Variants in ATP13A4 observed in about 807,000 individuals in gnomAD.
The protein encoded by ATP13A4 is probable cation-transporting ATPase 13A4.
Under a neutral mutation model 142.5 loss-of-function variants are expected in ATP13A4, and 114 were observed. The ratio of observed to expected loss-of-function variants is 0.80; its 90% CI spans 0.69 to 0.93. The LOEUF is 0.93. Among genes scored for constraint, ATP13A4 ranks in the 40% least tolerant of loss-of-function variants. The pLI is 0.00. For synonymous variants in ATP13A4, 488 were observed against 514.8 expected (o/e 0.95, Z 0.70); for missense variants, 1,392 against 1,454.0 (o/e 0.96, Z 0.69).
At chr3:193,510,375 A>G (rs1721080029) in intron 2 of ATP13A4, among the ~76,000 whole-genome samples, 1 of 152,206 alleles carries the variant, frequency 6.6e-6, no homozygotes, top group Admixed American at 6.5e-5. Flanking sequence ...ATCATCACAA[A>G]GTTCTCCTCT....
At chr3:193,533,634 G>A (rs916586349) in intron 1 of ATP13A4, among the ~76,000 whole-genome samples, 24 of 152,014 alleles carry the variant, frequency 1.6e-4, no homozygotes, top group South Asian at 2.1e-4. Context: ...GAAAAGGGGC[G>A]GCCGAGTAAG....
chr3:193,459,463 A>G (rs929004914), intron 13 of ATP13A4, among the ~76,000 whole-genome samples: 1 of 152,126 alleles, frequency 6.6e-6, no homozygotes, highest in African/African-American at 2.4e-5. Context: ...GTCTCACTCT[A>G]TCACTCTGTC....
chr3:193,463,555 T>C (rs1386336970), intron 12 of ATP13A4, among the ~76,000 whole-genome samples: 1 of 152,090 alleles, frequency 6.6e-6, no homozygotes, highest in Non-Finnish European at 1.5e-5. Context: ...ATAAGAGCTC[T>C]TATCTGTAAC....
rs774272332 is a variant in ATP13A4 at position 193,440,647 on chromosome 3, A to T, written c.2440-10T>A. The T allele has an allele frequency of 1.9e-6, 3 of 1,613,516 alleles. No homozygotes were observed. The South Asian group carries it at 3.3e-5, about 18-fold the overall frequency. ...TCCCATTGATCAATATCTGTAAGGAACCCAAAATGGAGATTTTTTTATCAA... is the reference window on the plus strand; with the variant it reads ...TCCCATTGATCAATATCTGTAAGGATCCCAAAATGGAGATTTTTTTATCAA... On this transcript the variant is annotated splice_polypyrimidine_tract_variant and intron_variant, in intron 20 of 29. Coordinates refer to ENST00000342695, the MANE Select transcript of ATP13A4 (RefSeq NM_032279.4).
intron 10 of ATP13A4, 100 bp from the exon 11 acceptor site, chr3:193,466,282 G>A (rs1024612604): frequency 4.8e-5 from 68 of 1,421,996 alleles, no homozygotes; most frequent in Non-Finnish European, 6.4e-5. Flanking sequence ...GCTGATATTT[G>A]AACAGTGTTT....
At chr3:193,417,123 G>T (rs1364666285) in intron 25 of ATP13A4, 1 of 152,128 alleles carries the variant, frequency 6.6e-6, no homozygotes, top group Non-Finnish European at 1.5e-5. Context: ...TGTATACCTG[G>T]CAAAACTGTC....
At chr3:193,592,199 A>T (rs1214527618) in intron 1 of ATP13A4, among the ~76,000 whole-genome samples, 1 of 151,704 alleles carries the variant, frequency 6.6e-6, no homozygotes, top group Admixed American at 6.6e-5. Flanking sequence ...GATGCACAGG[A>T]CCCTTTTATT....
chr3:193,539,613 G>A (rs1722774539), intron 1 of ATP13A4, among the ~76,000 whole-genome samples: 1 of 152,210 alleles, frequency 6.6e-6, no homozygotes, highest in South Asian at 2.1e-4. Context: ...AACCAGATTT[G>A]TCAGCTTCTT....
At chr3:193,494,966 TA>T (rs1472463682) in intron 3 of ATP13A4, among the ~76,000 whole-genome samples, 4 of 152,002 alleles carry the variant, frequency 2.6e-5, no homozygotes, top group Admixed American at 2.0e-4. Flanking sequence ...GAGATTATTA[TA>T]AACAATTATA....
chr3:193,592,767 T>G (rs997710786), intron 1 of ATP13A4, among the ~76,000 whole-genome samples: 2 of 152,202 alleles, frequency 1.3e-5, no homozygotes, highest in African/African-American at 4.8e-5. Context: ...CCTCCCATGA[T>G]TGCCCTAACG....
chr3:193,435,692 G>C lies in ATP13A4; in HGVS notation c.2725C>G (p.Leu909Val), dbSNP rs554427129. Residue 909 changes from leucine to valine, a missense_variant, in exon 24 of 30, where the codon CTG (leucine) becomes GTG (valine). Transcript: ENST00000342695. ...CCAACATACTGAATCATGCTGTACA[G>C]AGCCATGTACTTAAACATGCAAAAG... is the stretch of plus-strand genomic sequence containing the variant. ...TSFCMFKYMA[L>V]YSMIQYVGVL... 2 of 1,614,088 alleles carry C rather than the reference G, an allele frequency of 1.2e-6. No individual in the cohort carries two copies. The highest frequency in any genetic ancestry group is 1.1e-5 in the South Asian group (1 of 91,078).
At chr3:193,440,474 G>C in intron 21 of ATP13A4, 84 bp downstream of exon 21, 3 of 1,598,044 alleles carry the variant, frequency 1.9e-6, no homozygotes, top group Non-Finnish European at 2.6e-6. Context: ...TTGTCAAACT[G>C]AGTGACTCCT....
rs140717475 is a variant in ATP13A4, at chr3:193,425,655, A to C, written c.2842+8190T>G. Among the ~76,000 whole-genome samples, 4 of 151,906 alleles carry C rather than the reference A, an allele frequency of 2.6e-5. No homozygotes were observed. In the East Asian group the frequency reaches 7.7e-4, roughly 29 times the overall value. On this transcript the variant is annotated intron_variant, in intron 25 of 29. Coordinates refer to ENST00000342695, the MANE Select transcript of ATP13A4 (RefSeq NM_032279.4). Reference sequence around the variant, plus strand: ...CCTCACTCATTTGTAGAATCAAAAAAAGTTGATCTCATAGAAGTAGAGAGT... The same window carrying C: ...CCTCACTCATTTGTAGAATCAAAAACAGTTGATCTCATAGAAGTAGAGAGT...
chr3:193,555,051 A>C, upstream of ATP13A4: 1 of 870,090 alleles, frequency 1.1e-6, no homozygotes, highest in Non-Finnish European at 1.7e-6. Flanking sequence ...CTCTCAGAGC[A>C]GCTGTCTCAA....
chr3:193,418,303 C>T lies in ATP13A4; in HGVS notation c.2843-3553G>A, dbSNP rs375153316. On this transcript the variant is annotated intron_variant, in intron 25 of 29. Coordinates refer to ENST00000342695, the MANE Select transcript of ATP13A4 (RefSeq NM_032279.4). ...CACTGCACTCCAGCCTGGGCAACAG[C>T]GAGACTCCATCTCAAAAAAAAAAAA... is the stretch of plus-strand genomic sequence containing the variant. Among the ~76,000 whole-genome samples, 50 of 144,136 alleles carry T rather than the reference C, an allele frequency of 3.5e-4. 3 individuals are homozygous for T. The highest frequency in any genetic ancestry group is 1.4e-3 in the Admixed American group (19 of 13,454). The allele number at this position is 144,136 out of a possible 152,430, so 94.6% of individuals were successfully genotyped here.
intron 17 of ATP13A4, among the ~76,000 whole-genome samples, chr3:193,449,688 C>T (rs1199240087): frequency 3.3e-5 from 5 of 152,208 alleles, no homozygotes; most frequent in Non-Finnish European, 7.3e-5. Flanking sequence ...CATCTCTAGA[C>T]ATTTGCTTTA....
rs578199149 is a variant in ATP13A4 at position 193,417,990 on chromosome 3, C to T, written c.2843-3240G>A. On this transcript the variant is annotated intron_variant, in intron 25 of 29. Coordinates refer to ENST00000342695, the MANE Select transcript of ATP13A4 (RefSeq NM_032279.4). ...ACAAAAAATTAGCCGGGCGTAGTGG[C>T]GGGCGCCTGTAGTCCCAGCTACTTG... Among the ~76,000 whole-genome samples, 240 of 144,410 alleles carry T rather than the reference C, an allele frequency of 1.7e-3. 9 individuals carry two copies. The highest frequency in any genetic ancestry group is 2.0e-3 in the Non-Finnish European group (132 of 66,368). The allele number at this position is 144,410 out of a possible 152,430, so 94.7% of individuals were successfully genotyped here.
intron 1 of ATP13A4, among the ~76,000 whole-genome samples, chr3:193,519,626 A>ATTTTTTTTTTTTTTTT (rs147173408): frequency 1.4e-4 from 10 of 69,040 alleles, no homozygotes; most frequent in Non-Finnish European, 2.0e-4. Context: ...GCAATTTGTA[A>ATTTTTTTTTTTTTTTT]TTTTTTTTTT....
intron 27 of ATP13A4, 24 bp downstream of exon 27, chr3:193,412,154 C>A: frequency 6.4e-7 from 1 of 1,571,946 alleles, no homozygotes; most frequent in Non-Finnish European, 8.8e-7. Flanking sequence ...CTTCTCACCT[C>A]TGATGCAGTA....
Sources: allele counts gnomAD v4.1 joint callset (sites outside exome capture counted in the v4.1 genomes callset), GRCh38; gene constraint gnomAD v4.1.1; transcripts MANE v1.5; gene names NCBI Gene and HGNC (gene_info 2026-07-23, HGNC 2026-07-21).